Variants in F3 observed in about 807,000 individuals in gnomAD.
F3 encodes the protein tissue factor.
F3 carries 18 observed loss-of-function variants against 33.5 expected under a neutral mutation model. The observed-to-expected ratio is 0.54, with a 90% CI of 0.37 to 0.80. F3 has a LOEUF of 0.80. F3 is among the 30% of genes least tolerant of loss of function. The pLI is 0.00. For synonymous variants in F3, 147 were observed against 140.7 expected (o/e 1.05, Z -0.32); for missense variants, 353 against 362.1 (o/e 0.97, Z 0.20).
At chr1:94,535,460 G>A (rs567605648) in intron 3 of F3, among the ~76,000 whole-genome samples, 303 of 152,136 alleles carry the variant, frequency 2.0e-3, no homozygotes, top group Admixed American at 2.7e-3. Flanking sequence ...CTCAAATCAT[G>A]GCCAACTGAT....
chr1:94,533,408 G>T, intron 3 of F3, 140 bp from the exon 4 acceptor site: 1 of 1,006,098 alleles, frequency 9.9e-7, no homozygotes, highest in African/African-American at 1.7e-5. Flanking sequence ...AGAAGCAGGC[G>T]TGGCGGCCTG....
intron 2 of F3, among the ~76,000 whole-genome samples, chr1:94,537,206 G>A (rs1651631700): frequency 6.6e-6 from 1 of 152,146 alleles, no homozygotes; most frequent in African/African-American, 2.4e-5. Flanking sequence ...ATGATTTAAA[G>A]GACTTCTACT....
At chr1:94,533,380 T>C in intron 3 of F3, 112 bp from the exon 4 acceptor site, 2 of 1,284,198 alleles carry the variant, frequency 1.6e-6, no homozygotes, top group Non-Finnish European at 2.2e-6. Context: ...AACATGTGCA[T>C]AGAACCAGCT....
Position 94,529,693 on chromosome 1 carries a change from A to G in F3, c.*767T>C, listed in dbSNP as rs1415194976. 1.3e-5 allele frequency: 2 copies of G among 152,434 alleles called. No individual in the cohort carries two copies. The highest frequency in any genetic ancestry group is 2.9e-5 in the Non-Finnish European group (2 of 68,044). The allele number at this position is 152,434 out of a possible 1,614,324, so 9.4% of individuals were successfully genotyped here. A position where few individuals can be genotyped will look rare whatever the true frequency, so the allele number is the denominator to read the frequency against. On this transcript the variant is annotated 3_prime_UTR_variant, in exon 6 of 6. Transcript: ENST00000334047. ...TGAAAAAAAAAAGAACCTAAACACT[A>G]TATTATAGACATATGTTAGAAAAGT...
At chr1:94,538,417 G>A (rs1022443244) in intron 2 of F3, among the ~76,000 whole-genome samples, 11 of 152,250 alleles carry the variant, frequency 7.2e-5, no homozygotes, top group Admixed American at 5.2e-4. Context: ...TCCTGCGGCT[G>A]GAGCCAGGCT....
In F3 at chr1:94,531,121, C is replaced by T. The variant is rs548169287; in HGVS notation, c.752-525G>A. 2.0e-5 allele frequency among the ~76,000 whole-genome samples: 3 copies of T among 152,200 alleles called. No individual in the cohort carries two copies. The East Asian group carries it at 5.8e-4, about 29-fold the overall frequency. On this transcript the variant is annotated intron_variant, in intron 5 of 5. Coordinates refer to ENST00000334047, the MANE Select transcript of F3 (RefSeq NM_001993.5). ...GAGAGGCAGTGGAATTAGAGCTAGG[C>T]TTTAGGACAATGACTGAAGGCTGTG...
At chr1:94,534,643 GA>G (rs1159044862) in intron 3 of F3, among the ~76,000 whole-genome samples, 1 of 152,132 alleles carries the variant, frequency 6.6e-6, no homozygotes, top group Middle Eastern at 3.2e-3. Context: ...GAAAGCCCAG[GA>G]AATGTCCTTG....
At chr1:94,532,549 G>T in intron 4 of F3, 69 bp from the exon 5 acceptor site, 1 of 1,553,392 alleles carries the variant, frequency 6.4e-7, no homozygotes, top group Non-Finnish European at 8.8e-7. Context: ...TTAAGTCACT[G>T]TGGAAGTAAA....
At position 94,536,068 on chromosome 1, in the gene F3, G is replaced by C; in HGVS notation, c.309C>G (p.Tyr103Ter). 2.5e-6 allele frequency: 4 copies of C among 1,614,140 alleles called. No homozygotes were observed. The highest frequency in any genetic ancestry group is 3.4e-6 in the Non-Finnish European group (4 of 1,180,000). ...DEIVKDVKQT[Y>*]LARVFSYPAG... ...CCGGGTAGGAGAAGACCCGTGCCAA[G>C]TACGTCTGCTTCACATCCTTCACAA... The change falls in exon 3 of 6, where the codon TAC becomes TAG. Residue 103 changes from tyrosine to a stop codon, truncating the protein, a stop_gained. Transcript: ENST00000334047. LOFTEE classifies it high-confidence loss of function.
rs1238823791 is a variant in F3 at position 94,530,040 on chromosome 1, C to T, written c.*420G>A. 1.4e-5 allele frequency: 2 copies of T among 142,384 alleles called. No homozygotes were observed. The highest frequency in any genetic ancestry group is 5.5e-5 in the African/African-American group (2 of 36,472). The allele number at this position is 142,384 out of a possible 1,614,324, so 8.8% of individuals were successfully genotyped here. A position where few individuals can be genotyped will look rare whatever the true frequency, so the allele number is the denominator to read the frequency against. On this transcript the variant is annotated 3_prime_UTR_variant, in exon 6 of 6. Transcript: ENST00000334047. ...AGTGAGCCGAGATCGTGCTACTGCA[C>T]TCCAGCCTGGGCAACAGAGCAAGAC...
At chr1:94,532,228 G>A in intron 5 of F3, 93 bp downstream of exon 5, 2 of 1,210,924 alleles carry the variant, frequency 1.7e-6, no homozygotes, top group South Asian at 1.7e-5. Context: ...TTTAACCAAG[G>A]AAGTATATCC....
Position 94,541,538 on chromosome 1 carries a change from T to C in F3, c.99A>G (p.Ser33=), listed in dbSNP as rs199648767. ...CTTCCAGGGGCTGGTGCCACTCACC[T>C]GAAGCGCCGGCCACCTGGGCGAAGA... is the stretch of plus-strand genomic sequence containing the variant. ...GWVFAQVAGA[S]GTTNTVAAYN... Residue 33 remains serine (S), a splice_region_variant and synonymous_variant, in exon 1 of 6, where the codon TCA becomes TCG. Coordinates refer to ENST00000334047, the MANE Select transcript of F3 (RefSeq NM_001993.5). 2.2e-3 allele frequency: 3,326 copies of C among 1,491,502 alleles called. 7 individuals carry two copies. The highest frequency in any genetic ancestry group is 2.7e-3 in the Non-Finnish European group (3,030 of 1,121,690). The allele number at this position is 1,491,502 out of a possible 1,614,324, so 92.4% of individuals were successfully genotyped here. A position where few individuals can be genotyped will look rare whatever the true frequency, so the allele number is the denominator to read the frequency against.
Position 94,532,362 on chromosome 1 carries a change from C to T in F3, c.710G>A (p.Ser237Asn). The T allele has an allele frequency of 6.2e-6, 10 of 1,614,218 alleles. No homozygotes were observed. The highest frequency in any genetic ancestry group is 8.5e-6 in the Non-Finnish European group (10 of 1,180,046). ...SRTVNRKSTDSPVECMGQEKG... is the reference protein window; with the variant it reads ...SRTVNRKSTDNPVECMGQEKG... ...CTCCTGGCCCATACACTCTACCGGG[C>T]TGTCTGTACTCTTCCGGTTAACTGT... Residue 237 changes from serine (S) to asparagine (N), a missense_variant, in exon 5 of 6, where the codon AGC becomes AAC. Coordinates refer to ENST00000334047, the MANE Select transcript of F3 (RefSeq NM_001993.5).
Position 94,540,294 on chromosome 1 carries a change from G to A in F3, c.175C>T (p.Pro59Ser). ...TNFKTILEWE[P>S]KPVNQVYTVQ... is the part of the protein sequence containing the mutation. Reference sequence around the variant, plus strand: ...GTGTAGACTTGATTGACGGGTTTGGGTTCCCACTCCAAAATTGTCTTGAAA... The same window carrying A: ...GTGTAGACTTGATTGACGGGTTTGGATTCCCACTCCAAAATTGTCTTGAAA... The change falls in exon 2 of 6, where the codon CCC becomes TCC. Residue 59 changes from proline (P) to serine (S), a missense_variant. Pro to Ser is a moderately conservative substitution (Grantham distance 74, BLOSUM62 -1). Coordinates refer to ENST00000334047, the MANE Select transcript of F3 (RefSeq NM_001993.5). 1 of 1,613,758 alleles carries A rather than the reference G, an allele frequency of 6.2e-7. No individual in the cohort carries two copies. The highest frequency in any genetic ancestry group is 8.5e-7 in the Non-Finnish European group (1 of 1,179,782).
rs3789683 is a variant in F3, at chr1:94,530,506, C to T, written c.842G>A (p.Gly281Glu). ...AISLHKCRKA[G>E]VGQSWKENSP... ...GTTCTCCTTCCAGCTCTGCCCCACT[C>T]CTGCCTTTCTACACTTGTGTAGAGA... The change falls in exon 6 of 6, where the codon GGA (glycine) becomes GAA (glutamate). Residue 281 changes from glycine to glutamate, a missense_variant. By Grantham distance (98) the Gly-to-Glu change is moderately conservative (BLOSUM62 -2). Coordinates refer to ENST00000334047, the MANE Select transcript of F3 (RefSeq NM_001993.5). 6,455 of 1,614,090 alleles carry T rather than the reference C, an allele frequency of 4.0e-3. 63 individuals are homozygous for T. Among genetic ancestry groups the T allele is most frequent in the African/African-American group, 0.027 (2,053 of 75,010 alleles).
chr1:94,534,002 G>A (rs1316458710), intron 3 of F3, among the ~76,000 whole-genome samples: 3 of 151,988 alleles, frequency 2.0e-5, no homozygotes, highest in African/African-American at 7.3e-5. Context: ...AAGTAGCTGG[G>A]ATTACAGGCA....
intron 5 of F3, among the ~76,000 whole-genome samples, chr1:94,531,954 C>T (rs1651446981): frequency 6.6e-6 from 1 of 152,122 alleles, no homozygotes; most frequent in Non-Finnish European, 1.5e-5. Context: ...CAGAAGCCAC[C>T]CCCAGAATTA....
rs148395733 is a variant in F3, at chr1:94,540,351, C to G, written c.118G>C (p.Ala40Pro). Residue 40 changes from alanine to proline, a missense_variant, in exon 2 of 6, where the codon GCA (alanine) becomes CCA (proline). By Grantham distance (27) the Ala-to-Pro change is conservative (BLOSUM62 -1). Coordinates refer to ENST00000334047, the MANE Select transcript of F3 (RefSeq NM_001993.5). The stretch of plus-strand genomic sequence containing the variant: ...GATTTCCAAGTTAAATTATATGCTG[C>G]CACAGTATTTGTAGTGCCTTTAAAC... ...AGASGTTNTV[A>P]AYNLTWKSTN... 1 of 1,613,386 alleles carries G rather than the reference C, an allele frequency of 6.2e-7. No individual in the cohort carries two copies. The highest frequency in any genetic ancestry group is 1.7e-5 in the Admixed American group (1 of 59,966).
rs750937610 is a variant in F3, at chr1:94,530,429, A to C, written c.*31T>G. On this transcript the variant is annotated 3_prime_UTR_variant, in exon 6 of 6. Transcript: ENST00000334047. ...AAAGTTCTCGGTCACAGTGCAATAT[A>C]GCATTTGCAGTAGCTCCAACAGTGC... 6.2e-7 allele frequency: 1 copy of C among 1,613,410 alleles called. No homozygotes were observed. The highest frequency in any genetic ancestry group is 1.1e-5 in the South Asian group (1 of 90,990).
Sources: gnomAD v4.1 joint callset for allele counts (sites outside exome capture counted in the v4.1 genomes callset) on GRCh38, gnomAD v4.1.1 for gene constraint, MANE v1.5 for transcripts, NCBI Gene and HGNC (gene_info 2026-07-23, HGNC 2026-07-21) for gene names.